SYPL1: variants seen among roughly 807,000 people sequenced by gnomAD.
The protein encoded by SYPL1 is synaptophysin like 1.
In SYPL1, 6 loss-of-function variants were observed where a neutral mutation model predicts 23.7. The ratio of observed to expected loss-of-function variants is 0.25; its 90% CI spans 0.14 to 0.50. SYPL1 has a LOEUF of 0.50. Among genes scored for constraint, SYPL1 ranks in the 20% least tolerant of loss-of-function variants. The pLI is 0.98. For missense variants in SYPL1, 253 were observed against 288.9 expected (o/e 0.88, Z 0.90); for synonymous variants, 102 against 104.5 (o/e 0.98, Z 0.15).
chr7:106,091,698 T>A lies in SYPL1; in HGVS notation c.*107A>T. 2.4e-6 allele frequency: 3 copies of A among 1,268,756 alleles called. No individual in the cohort carries two copies. Among genetic ancestry groups the A allele is most frequent in the Non-Finnish European group, 3.2e-6 (3 of 951,422 alleles). 78.6% of individuals were successfully genotyped at this position (1,268,756 alleles called of 1,614,324 possible). On this transcript the variant is annotated 3_prime_UTR_variant, in exon 5 of 5. Transcript: ENST00000455385. This position sits in a 1 kb window ranked among gnomAD's most constrained non-coding sequence, Gnocchi z 5.0. ...CAGCAAAGTTTTAAACCCACCAATA[T>A]ATTGACAAAGCCATTACTTTTATTA...
intron 4 of SYPL1, chr7:106,092,726 T>C: frequency 1.7e-6 from 1 of 597,406 alleles, no homozygotes; most frequent in South Asian, 1.8e-5. Flanking sequence ...TCTGACTAGA[T>C]GAAAGAAAGT....
rs760243657 is a variant in SYPL1 at position 106,109,927 on chromosome 7, G to A, written c.69+2213C>T. Among the ~76,000 whole-genome samples the A allele has an allele frequency of 6.6e-6, 1 of 152,124 alleles. No homozygotes were observed. The highest frequency in any genetic ancestry group is 1.5e-5 in the Non-Finnish European group (1 of 68,032). On this transcript the variant is annotated intron_variant, in intron 1 of 4. Coordinates refer to ENST00000455385, the MANE Select transcript of SYPL1 (RefSeq NM_182715.4). The surrounding 1 kb of genome is among the most constrained non-coding windows in gnomAD (Gnocchi z 4.3). ...TTTAGAAATTTTCATTTTGTCGGCA[G>A]TTAGAGGGATGGATTGGAAAGGTCA...
intron 1 of SYPL1, among the ~76,000 whole-genome samples, chr7:106,107,165 T>C (rs1166331830): frequency 6.6e-6 from 1 of 152,220 alleles, no homozygotes; most frequent in Non-Finnish European, 1.5e-5. Flanking sequence ...CAAATGATCA[T>C]TCAGCACTTA....
chr7:106,092,920 GA>G (rs752645465), intron 4 of SYPL1, 28 bp downstream of exon 4: 6 of 1,484,888 alleles, frequency 4.0e-6, no homozygotes, highest in South Asian at 2.8e-5. Context: ...ATATATGAAA[GA>G]AAAAAATTAT....
At chr7:106,110,912 T>A (rs917333900) in intron 1 of SYPL1, among the ~76,000 whole-genome samples, 2 of 152,252 alleles carry the variant, frequency 1.3e-5, no homozygotes, top group Non-Finnish European at 2.9e-5. Context: ...TTAGCCTCGT[T>A]AATGAGATTT....
Position 106,097,652 on chromosome 7 carries a change from A to C in SYPL1, c.402+38T>G. 6.6e-7 allele frequency: 1 copy of C among 1,525,290 alleles called. No homozygotes were observed. Among genetic ancestry groups the C allele is most frequent in the Non-Finnish European group, 8.9e-7 (1 of 1,124,556 alleles). The allele number at this position is 1,525,290 out of a possible 1,614,324, so 94.5% of individuals were successfully genotyped here. A position where few individuals can be genotyped will look rare whatever the true frequency, so the allele number is the denominator to read the frequency against. On this transcript the variant is annotated intron_variant, in intron 3 of 4. Coordinates refer to ENST00000455385, the MANE Select transcript of SYPL1 (RefSeq NM_182715.4). This position sits in a 1 kb window ranked among gnomAD's most constrained non-coding sequence, Gnocchi z 4.6. The stretch of plus-strand genomic sequence containing the variant: ...AGAAAATCTATATTTAGCTTATACA[A>C]ATTATTTTTGTATTTAAAAAATAAA...
At position 106,097,860 on chromosome 7, in the gene SYPL1, T is replaced by C; in HGVS notation, c.232A>G (p.Asn78Asp). ...EASFQPPPGV[N>D]ICDVNWKDYV... ...TCTTTCCAATTTACATCACATATGTTTACACCTGGAGGTGGCTGAAATGAT... is the reference window on the plus strand; with the variant it reads ...TCTTTCCAATTTACATCACATATGTCTACACCTGGAGGTGGCTGAAATGAT... The change falls in exon 3 of 5, where the codon AAC (asparagine) becomes GAC (aspartate). Residue 78 changes from asparagine (N) to aspartate (D), a missense_variant. Physicochemically the swap from Asn to Asp is conservative, Grantham distance 23. Coordinates refer to ENST00000455385, the MANE Select transcript of SYPL1 (RefSeq NM_182715.4). This position sits in a 1 kb window ranked among gnomAD's most constrained non-coding sequence, Gnocchi z 4.6. 1 of 1,613,696 alleles carries C rather than the reference T, an allele frequency of 6.2e-7. No homozygotes were observed. The highest frequency in any genetic ancestry group is 8.5e-7 in the Non-Finnish European group (1 of 1,179,738).
At position 106,097,095 on chromosome 7, in the gene SYPL1, A is replaced by G. The variant is rs942558500; in HGVS notation, c.402+595T>C. On this transcript the variant is annotated intron_variant, in intron 3 of 4. Coordinates refer to ENST00000455385, the MANE Select transcript of SYPL1 (RefSeq NM_182715.4). This position sits in a 1 kb window ranked among gnomAD's most constrained non-coding sequence, Gnocchi z 4.6. ...ACTGAGTATGGTGGCTTGTGACTGT[A>G]GTCCCAGCTACTCAGGAGGATCATT... is the stretch of plus-strand genomic sequence containing the variant. 6.6e-6 allele frequency among the ~76,000 whole-genome samples: 1 copy of G among 152,170 alleles called. No individual in the cohort carries two copies. Among genetic ancestry groups the G allele is most frequent in the Non-Finnish European group, 1.5e-5 (1 of 68,016 alleles).
intron 1 of SYPL1, among the ~76,000 whole-genome samples, chr7:106,107,725 G>C (rs969826009): frequency 7.6e-6 from 1 of 131,094 alleles, no homozygotes. Flanking sequence ...CTGGGTGACA[G>C]AGCAAGACTC....
chr7:106,112,331 C>T (rs1790213417), upstream of SYPL1: 12 of 1,053,926 alleles, frequency 1.1e-5, no homozygotes, highest in Non-Finnish European at 4.7e-6. Context: ...GGCTCGGAGG[C>T]GGGCCCGGGC....
At chr7:106,093,289 G>A (rs1839853364) in intron 3 of SYPL1, 152 bp from the exon 4 acceptor site, 1 of 656,028 alleles carries the variant, frequency 1.5e-6, no homozygotes, top group Admixed American at 3.4e-5. Context: ...AGTCAGCATA[G>A]TAAACATTGC....
At position 106,091,709 on chromosome 7, in the gene SYPL1, C is replaced by T; in HGVS notation, c.*96G>A. ...TAAACCCACCAATATATTGACAAAGCCATTACTTTTATTAGAAACAAATAA... is the reference window on the plus strand; with the variant it reads ...TAAACCCACCAATATATTGACAAAGTCATTACTTTTATTAGAAACAAATAA... On this transcript the variant is annotated 3_prime_UTR_variant, in exon 5 of 5. Transcript: ENST00000455385. This position sits in a 1 kb window ranked among gnomAD's most constrained non-coding sequence, Gnocchi z 5.0. 7.5e-7 allele frequency: 1 copy of T among 1,340,598 alleles called. No homozygotes were observed. The highest frequency in any genetic ancestry group is 9.9e-7 in the Non-Finnish European group (1 of 1,005,968). The allele number at this position is 1,340,598 out of a possible 1,614,324, so 83.0% of individuals were successfully genotyped here.
rs1315601167 is a variant in SYPL1 at position 106,109,369 on chromosome 7, T to C, written c.69+2771A>G. ...TCTGGCTTTTTGATTTTACTGAAAC[T>C]GCTCTTGCTAACTAGTCCTTATTTT... On this transcript the variant is annotated intron_variant, in intron 1 of 4. Coordinates refer to ENST00000455385, the MANE Select transcript of SYPL1 (RefSeq NM_182715.4). The surrounding 1 kb of genome is among the most constrained non-coding windows in gnomAD (Gnocchi z 4.3). Among the ~76,000 whole-genome samples the C allele has an allele frequency of 6.6e-6, 1 of 152,226 alleles. No individual in the cohort carries two copies. Among genetic ancestry groups the C allele is most frequent in the African/African-American group, 2.4e-5 (1 of 41,464 alleles).
intron 1 of SYPL1, among the ~76,000 whole-genome samples, chr7:106,107,249 G>A (rs1346360764): frequency 6.8e-6 from 1 of 147,688 alleles, no homozygotes; most frequent in Non-Finnish European, 1.5e-5. Flanking sequence ...TGATTTTTAT[G>A]AGTCAAAGTC....
intron 1 of SYPL1, among the ~76,000 whole-genome samples, chr7:106,106,294 T>A (rs1455574577): frequency 1.3e-5 from 2 of 151,986 alleles, no homozygotes; most frequent in African/African-American, 4.8e-5. Flanking sequence ...ATGCCTGTAA[T>A]CCCAGCACTT....
intron 1 of SYPL1, among the ~76,000 whole-genome samples, chr7:106,105,657 T>G (rs1840554164): frequency 6.6e-6 from 1 of 151,996 alleles, no homozygotes; most frequent in Admixed American, 6.6e-5. Flanking sequence ...AGATCTACTT[T>G]CAGACTTAAA....
chr7:106,107,427 A>G (rs183606943), intron 1 of SYPL1, among the ~76,000 whole-genome samples: 5 of 152,334 alleles, frequency 3.3e-5, no homozygotes, highest in Admixed American at 1.3e-4. Context: ...GCCTGCCAAG[A>G]TAATTCCATA....
intron 1 of SYPL1, among the ~76,000 whole-genome samples, chr7:106,105,502 C>T (rs776566133): frequency 6.8e-6 from 1 of 147,106 alleles, no homozygotes. Flanking sequence ...ACTTCTCTGC[C>T]CACCAGACCC....
intron 1 of SYPL1, among the ~76,000 whole-genome samples, chr7:106,111,379 TCCTCCAAGTAACTGATCATTG>T (rs2116228087): frequency 6.6e-6 from 1 of 152,300 alleles, no homozygotes; most frequent in South Asian, 2.1e-4. Context: ...ATTCACCAAC[TCCTCCAAGTAACTGATCATTG>T]CCAAGGTCGA....
Sources: gnomAD v4.1 joint callset for allele counts (sites outside exome capture counted in the v4.1 genomes callset) on GRCh38, gnomAD v4.1.1 for gene constraint, Gnocchi (gnomAD v3.1) non-coding constraint, MANE v1.5 for transcripts, NCBI Gene and HGNC (gene_info 2026-07-23, HGNC 2026-07-21) for gene names.